SPOCK3: variants seen among roughly 807,000 people sequenced by gnomAD.
The protein encoded by SPOCK3 is testican-3.
In SPOCK3, 30 loss-of-function variants were observed where a neutral mutation model predicts 56.6. That is an observed-to-expected ratio of 0.53 (90% CI 0.40 to 0.72). SPOCK3 has a LOEUF of 0.72. SPOCK3 is among the 30% of genes least tolerant of loss of function. The probability of loss-of-function intolerance (pLI) is 0.00; values close to 1 mark genes in which losing one functional copy is unlikely to be tolerated. For missense variants in SPOCK3, 527 were observed against 530.0 expected (o/e 0.99, Z 0.06); for synonymous variants, 196 against 183.3 (o/e 1.07, Z -0.56).
intron 3 of SPOCK3, among the ~76,000 whole-genome samples, chr4:167,055,028 T>C (rs887817157): frequency 6.6e-6 from 1 of 152,164 alleles, no homozygotes; most frequent in African/African-American, 2.4e-5. Context: ...GTGCATTCTA[T>C]GGAAATTGAA....
In SPOCK3 at chr4:167,140,086, G is replaced by A. The variant is rs1172735760; in HGVS notation, c.190-77549C>T. Among the ~76,000 whole-genome samples the A allele has an allele frequency of 3.9e-5, 6 of 152,030 alleles. No homozygotes were observed. The South Asian group carries it at 6.2e-4, about 16-fold the overall frequency. ...CAGAATGTAGACGTTCAAAGAATCC[G>A]GCTGCTCAGTCTCATAATTAAGTAG... is the stretch of plus-strand genomic sequence containing the variant. On this transcript the variant is annotated intron_variant, in intron 2 of 10. Coordinates refer to ENST00000357545, the MANE Select transcript of SPOCK3 (RefSeq NM_001040159.2).
chr4:166,880,304 T>C (rs747577778), intron 6 of SPOCK3, among the ~76,000 whole-genome samples: 2 of 152,170 alleles, frequency 1.3e-5, no homozygotes, highest in Non-Finnish European at 2.9e-5. Context: ...CAAGTCAGAA[T>C]TATTCCTCAG....
At chr4:166,894,221 C>T (rs4860003) in intron 5 of SPOCK3, among the ~76,000 whole-genome samples, 97,111 of 151,862 alleles carry the variant, frequency 0.64, 31,212 homozygotes, top group East Asian at 0.77. Flanking sequence ...CGAAAAACTT[C>T]TTTTTATATC....
chr4:166,873,036 T>G (rs554754112), intron 6 of SPOCK3, among the ~76,000 whole-genome samples: 7 of 152,062 alleles, frequency 4.6e-5, no homozygotes, highest in Non-Finnish European at 1.0e-4. Flanking sequence ...ATTCACGCCT[T>G]TCGGAGGGCA....
At chr4:167,210,316 A>T (rs147857777) in intron 2 of SPOCK3, among the ~76,000 whole-genome samples, 12 of 152,108 alleles carry the variant, frequency 7.9e-5, no homozygotes, top group African/African-American at 2.2e-4. Context: ...GGACTCTGTG[A>T]GGCCTTCATT....
At chr4:166,925,993 C>T (rs1051400520) in intron 4 of SPOCK3, among the ~76,000 whole-genome samples, 1 of 152,088 alleles carries the variant, frequency 6.6e-6, no homozygotes, top group African/African-American at 2.4e-5. Context: ...AACTTCTTCT[C>T]TAAGTTACAC....
chr4:166,893,378 C>T (rs540020821), intron 5 of SPOCK3, among the ~76,000 whole-genome samples: 5 of 152,098 alleles, frequency 3.3e-5, no homozygotes, highest in African/African-American at 1.2e-4. Context: ...TACAAACCAA[C>T]TTAATTATCT....
At chr4:166,851,164 A>G (rs1214424929) in intron 6 of SPOCK3, among the ~76,000 whole-genome samples, 3 of 152,092 alleles carry the variant, frequency 2.0e-5, no homozygotes, top group Non-Finnish European at 4.4e-5. Flanking sequence ...CTAACCCCTG[A>G]CCCCCGAGCA....
intron 4 of SPOCK3, among the ~76,000 whole-genome samples, chr4:166,987,793 T>C (rs1561089062): frequency 6.6e-6 from 1 of 152,170 alleles, no homozygotes; most frequent in African/African-American, 2.4e-5. Context: ...AAGGACTACA[T>C]AACTTGTTGA....
chr4:167,062,624 C>A, intron 2 of SPOCK3, 87 bp from the exon 3 acceptor site: 1 of 1,032,690 alleles, frequency 9.7e-7, no homozygotes. Flanking sequence ...ATATGAAACA[C>A]AGAAGCTGTA....
chr4:166,837,758 C>T (rs1746783980), intron 6 of SPOCK3, among the ~76,000 whole-genome samples: 1 of 151,986 alleles, frequency 6.6e-6, no homozygotes. Flanking sequence ...CTTTTTTGTA[C>T]CATGTCCTTT....
intron 4 of SPOCK3, among the ~76,000 whole-genome samples, chr4:166,986,718 A>T (rs2150103969): frequency 6.6e-6 from 1 of 152,268 alleles, no homozygotes; most frequent in African/African-American, 2.4e-5. Flanking sequence ...TATATCTAGG[A>T]TGATATATCA....
chr4:166,883,198 T>A (rs1733847655), intron 6 of SPOCK3: 1 of 152,190 alleles, frequency 6.6e-6, no homozygotes, highest in Non-Finnish European at 1.5e-5. Context: ...TTAAATCAGT[T>A]AACTTATAAT....
chr4:167,197,119 G>C (rs1241630118), intron 2 of SPOCK3, among the ~76,000 whole-genome samples: 1 of 152,068 alleles, frequency 6.6e-6, no homozygotes, highest in African/African-American at 2.4e-5. Context: ...CCAGGCTTGG[G>C]TCAACTCTGG....
At chr4:167,229,721 G>C (rs1002629214) in intron 2 of SPOCK3, among the ~76,000 whole-genome samples, 6 of 152,078 alleles carry the variant, frequency 3.9e-5, no homozygotes, top group African/African-American at 7.2e-5. Flanking sequence ...TCTGAGACAT[G>C]TCAGCCTGTA....
chr4:167,000,497 C>A, intron 3 of SPOCK3, 34 bp from the exon 4 acceptor site: 1 of 1,113,224 alleles, frequency 9.0e-7, no homozygotes, highest in Non-Finnish European at 1.3e-6. Context: ...TTAAAATAAG[C>A]TTCTGTAAAA....
intron 4 of SPOCK3, among the ~76,000 whole-genome samples, chr4:166,981,878 G>A (rs1385611168): frequency 6.6e-6 from 1 of 152,192 alleles, no homozygotes; most frequent in Non-Finnish European, 1.5e-5. Context: ...GGGGACTGAG[G>A]TGGGGAGGCT....
intron 4 of SPOCK3, among the ~76,000 whole-genome samples, chr4:166,925,822 T>C (rs530853055): frequency 6.6e-6 from 1 of 152,248 alleles, no homozygotes; most frequent in East Asian, 1.9e-4. Flanking sequence ...CTTGTGAATT[T>C]CCCAATGTGC....
chr4:167,227,689 A>G (rs1736730669), intron 2 of SPOCK3, among the ~76,000 whole-genome samples: 1 of 152,174 alleles, frequency 6.6e-6, no homozygotes, highest in East Asian at 1.9e-4. Flanking sequence ...CAGGACTTGG[A>G]TAGTATTTAC....
Sources: gnomAD v4.1 joint callset for allele counts (sites outside exome capture counted in the v4.1 genomes callset) on GRCh38, gnomAD v4.1.1 for gene constraint, MANE v1.5 for transcripts, NCBI Gene and HGNC (gene_info 2026-07-23, HGNC 2026-07-21) for gene names.